KDM2B: variants seen among roughly 807,000 people sequenced by gnomAD.
KDM2B encodes lysine demethylase 2B, also known as lysine-specific demethylase 2B.
A neutral mutation model predicts 150.0 loss-of-function variants in KDM2B; 26 were observed. That is an observed-to-expected ratio of 0.17 (90% confidence interval 0.13 to 0.24). The LOEUF is 0.24. KDM2B is among the 10% of genes least tolerant of loss of function. KDM2B has a pLI of 1.00. For synonymous variants in KDM2B, 734 were observed against 729.5 expected, an observed-to-expected ratio of 1.01 and a Z score of -0.10; for missense variants, 1,265 against 1,816.9, an observed-to-expected ratio of 0.70 and a Z score of 5.52.
intron 11 of KDM2B, among the ~76,000 whole-genome samples, chr12:121,504,153 C>G (rs782464527): frequency 1.1e-4 from 17 of 152,176 alleles, no homozygotes; most frequent in Non-Finnish European, 2.5e-4. Context: ...CTCCTGGGCT[C>G]AAATGATCCT....
rs33946368 is a variant in KDM2B, at chr12:121,572,822, ATTT to A, written c.397+1722_397+1724del. Among the ~76,000 whole-genome samples the A allele has an allele frequency of 4.5e-3, 447 of 100,180 alleles. 1 individual carries two copies. Among genetic ancestry groups the A allele is most frequent in the African/African-American group, 0.015 (394 of 26,074 alleles). The allele number at this position is 100,180 out of a possible 152,430, so 65.7% of individuals were successfully genotyped here. A position where few individuals can be genotyped will look rare whatever the true frequency, so the allele number is the denominator to read the frequency against. The stretch of plus-strand genomic sequence containing the variant: ...GACACACACCACCACACCTGGATAA[ATTT>A]TTTTTTTTTTTTTTTTTTGAGTTGG... On this transcript the variant is annotated intron_variant, in intron 4 of 22. Coordinates refer to ENST00000377071, the MANE Select transcript of KDM2B (RefSeq NM_032590.5).
intron 10 of KDM2B, among the ~76,000 whole-genome samples, chr12:121,512,153 C>A (rs781858856): frequency 8.5e-5 from 13 of 152,110 alleles, no homozygotes; most frequent in Non-Finnish European, 2.9e-5. Flanking sequence ...GTGATCATAG[C>A]GGCTCTCACG....
At chr12:121,510,290 T>G (rs1885467984) in intron 10 of KDM2B, among the ~76,000 whole-genome samples, 1 of 152,218 alleles carries the variant, frequency 6.6e-6, no homozygotes, top group Non-Finnish European at 1.5e-5. Flanking sequence ...TTTATTTATT[T>G]ATATAAAGAC....
Position 121,467,199 on chromosome 12 carries a change from C to A in KDM2B, c.1735-13855G>T. The A allele has an allele frequency of 9.0e-7, 1 of 1,111,390 alleles. No individual in the cohort carries two copies. The highest frequency in any genetic ancestry group is 1.1e-6 in the Non-Finnish European group (1 of 893,602). The allele number at this position is 1,111,390 out of a possible 1,614,324, so 68.8% of individuals were successfully genotyped here. A position where few individuals can be genotyped will look rare whatever the true frequency, so the allele number is the denominator to read the frequency against. On this transcript the variant is annotated intron_variant, in intron 12 of 22. Transcript: ENST00000377071. The surrounding 1 kb of genome is among the most constrained non-coding windows in gnomAD (Gnocchi z 5.1). ...TCATAGTCGTCGTCCTCGGCGCTCA[C>A]GGACATGGCCATGGCTCATGGTGGG...
At chr12:121,572,714 G>T (rs1891191261) in intron 4 of KDM2B, among the ~76,000 whole-genome samples, 1 of 151,896 alleles carries the variant, frequency 6.6e-6, no homozygotes, top group Admixed American at 6.6e-5. Flanking sequence ...CTGGAGTGAA[G>T]TGATGCAATC....
At chr12:121,494,724 G>A (rs1883728909) in intron 11 of KDM2B, 59 bp from the exon 12 acceptor site, 2 of 1,325,472 alleles carry the variant, frequency 1.5e-6, no homozygotes, top group Admixed American at 2.1e-5. Context: ...TCTGAAGACA[G>A]CTGAACAGCA....
chr12:121,443,630 A>T, intron 17 of KDM2B, 50 bp downstream of exon 17: 1 of 1,115,624 alleles, frequency 9.0e-7, no homozygotes, highest in Non-Finnish European at 1.4e-6. Context: ...GGGACAGCCC[A>T]GGACTCGCCA....
chr12:121,429,060 C>T (rs1424959489), downstream of KDM2B: 2 of 152,716 alleles, frequency 1.3e-5, no homozygotes, highest in South Asian at 4.1e-4. Context: ...AAATGACGCA[C>T]CACAGGGTAC....
intron 12 of KDM2B, among the ~76,000 whole-genome samples, chr12:121,457,739 T>TACACACACACACACACAC (rs138823282): frequency 6.9e-6 from 1 of 144,994 alleles, no homozygotes; most frequent in Non-Finnish European, 1.5e-5. Flanking sequence ...ATCGGAAACA[T>TACACACACACACACACAC]ACACACACAC....
intron 11 of KDM2B, among the ~76,000 whole-genome samples, chr12:121,495,308 G>A (rs1883808686): frequency 6.6e-6 from 1 of 152,026 alleles, no homozygotes; most frequent in Non-Finnish European, 1.5e-5. Flanking sequence ...ATGCAGGTGT[G>A]CACCACCACG....
Position 121,522,660 on chromosome 12 carries a change from C to G in KDM2B, c.932-1560G>C, listed in dbSNP as rs542035675. On this transcript the variant is annotated intron_variant, in intron 8 of 22. Coordinates refer to ENST00000377071, the MANE Select transcript of KDM2B (RefSeq NM_032590.5). ...GTCAGGAGTTTGAGACCAGCCTGGTCAATATGGCGAAACCCCGTCTCCACT... is the reference window on the plus strand; with the variant it reads ...GTCAGGAGTTTGAGACCAGCCTGGTGAATATGGCGAAACCCCGTCTCCACT... Among the ~76,000 whole-genome samples the G allele has an allele frequency of 4.6e-5, 7 of 152,180 alleles. No homozygotes were observed. The East Asian group carries it at 1.4e-3, about 29-fold the overall frequency.
At chr12:121,494,998 TC>T (rs1222013048) in intron 11 of KDM2B, among the ~76,000 whole-genome samples, 8 of 147,006 alleles carry the variant, frequency 5.4e-5, no homozygotes, top group Admixed American at 2.7e-4. Context: ...ACAAACTTTT[TC>T]TTTTTTTTTT....
intron 13 of KDM2B, among the ~76,000 whole-genome samples, chr12:121,448,225 TG>T (rs1327625786): frequency 7.5e-6 from 1 of 133,018 alleles, no homozygotes; most frequent in Non-Finnish European, 1.5e-5. Context: ...GAGACTGAGG[TG>T]GGAGGACTGC....
At chr12:121,438,339 C>T (rs1874359523) in intron 22 of KDM2B, among the ~76,000 whole-genome samples, 1 of 151,886 alleles carries the variant, frequency 6.6e-6, no homozygotes, top group African/African-American at 2.4e-5. Context: ...AAACAAAATG[C>T]AAAAGATGAT....
At chr12:121,534,623 G>A in intron 6 of KDM2B, 33 bp from the exon 7 acceptor site, 1 of 1,516,736 alleles carries the variant, frequency 6.6e-7, no homozygotes, top group Non-Finnish European at 9.2e-7. Context: ...CAGAACACAA[G>A]TCAAGATCTA....
At chr12:121,435,724 A>G (rs782618948) in intron 22 of KDM2B, among the ~76,000 whole-genome samples, 24 of 152,172 alleles carry the variant, frequency 1.6e-4, no homozygotes, top group Admixed American at 9.2e-4. Flanking sequence ...ATACTTGACC[A>G]TACCAATGGC....
chr12:121,515,429 C>T (rs1244561918), intron 9 of KDM2B, among the ~76,000 whole-genome samples: 9 of 11,524 alleles, frequency 7.8e-4, no homozygotes, highest in Non-Finnish European at 1.1e-3. Flanking sequence ...CCTGATCACA[C>T]TCCCCACCTC....
chr12:121,508,277 G>A (rs967967363), intron 11 of KDM2B, among the ~76,000 whole-genome samples: 5 of 151,990 alleles, frequency 3.3e-5, no homozygotes, highest in Admixed American at 6.6e-5. Context: ...TGTAGAGATG[G>A]GGTCTCCCTA....
chr12:121,494,150 C>T (rs1188135972), intron 12 of KDM2B: 2 of 169,984 alleles, frequency 1.2e-5, no homozygotes, highest in African/African-American at 4.8e-5. Flanking sequence ...AGCCACCGCG[C>T]TCGACCGATT....
Sources: gnomAD v4.1 joint callset for allele counts (sites outside exome capture counted in the v4.1 genomes callset) on GRCh38, gnomAD v4.1.1 for gene constraint, Gnocchi (gnomAD v3.1) non-coding constraint, MANE v1.5 for transcripts, NCBI Gene and HGNC (gene_info 2026-07-23, HGNC 2026-07-21) for gene names.